Variants in SCHIP1 observed in about 807,000 individuals in gnomAD.
SCHIP1 encodes schwannomin interacting protein 1.
A neutral mutation model predicts 29.7 loss-of-function variants in SCHIP1; 8 were observed. That is an observed-to-expected ratio of 0.27 (90% CI 0.16 to 0.49). The LOEUF is 0.49. SCHIP1 is among the 20% of genes least tolerant of loss of function. The pLI, the probability that SCHIP1 is intolerant of heterozygous loss-of-function variation, is 0.99. For synonymous variants in SCHIP1, 76 were observed against 94.9 expected (o/e 0.80, Z 1.16); for missense variants, 193 against 294.6 (o/e 0.66, Z 2.52).
the SCHIP1 span, among the ~76,000 whole-genome samples, chr3:159,498,734 A>T: frequency 3.3e-5 from 5 of 152,196 alleles, no homozygotes; most frequent in African/African-American, 7.2e-5. Context: ...CCTATTTATG[A>T]TAGCAACCAC....
At chr3:159,485,847 A>T in the SCHIP1 span, among the ~76,000 whole-genome samples, 1 of 152,158 alleles carries the variant, frequency 6.6e-6, no homozygotes, top group African/African-American at 2.4e-5. Context: ...CACTATGTAG[A>T]TATTAGCTAC....
the SCHIP1 span, among the ~76,000 whole-genome samples, chr3:159,737,775 A>G: frequency 6.6e-6 from 1 of 152,080 alleles, no homozygotes; most frequent in African/African-American, 2.4e-5. Context: ...GTCAACTCCA[A>G]TTCATTGGCA....
At chr3:159,583,187 G>T in the SCHIP1 span, among the ~76,000 whole-genome samples, 1 of 152,030 alleles carries the variant, frequency 6.6e-6, no homozygotes, top group African/African-American at 2.4e-5. Flanking sequence ...CTGCTTAACT[G>T]CAATCATTTC....
the SCHIP1 span, among the ~76,000 whole-genome samples, chr3:159,283,266 C>T: frequency 6.6e-6 from 1 of 152,166 alleles, no homozygotes; most frequent in South Asian, 2.1e-4. Context: ...GATTCTCCTG[C>T]CTCAGCTTCC....
the SCHIP1 span, among the ~76,000 whole-genome samples, chr3:159,742,834 A>ATTTTTTTTTT: frequency 4.7e-3 from 518 of 110,812 alleles, no homozygotes; most frequent in African/African-American, 9.1e-3. Flanking sequence ...CGCCTAGCTA[A>ATTTTTTTTTT]TTTTTTTTTT....
chr3:159,474,202 T>C, the SCHIP1 span, among the ~76,000 whole-genome samples: 1 of 152,190 alleles, frequency 6.6e-6, no homozygotes, highest in Non-Finnish European at 1.5e-5. Context: ...AAACAACCTC[T>C]AATGCTTCAA....
chr3:159,786,813 G>C, the SCHIP1 span, among the ~76,000 whole-genome samples: 1 of 152,034 alleles, frequency 6.6e-6, no homozygotes, highest in Non-Finnish European at 1.5e-5. Flanking sequence ...GCCACAGCAC[G>C]TAGAATCCTT....
chr3:159,732,579 C>A, the SCHIP1 span, among the ~76,000 whole-genome samples: 1 of 152,206 alleles, frequency 6.6e-6, no homozygotes, highest in Non-Finnish European at 1.5e-5. Context: ...GGGAAATGTG[C>A]AGTAATGCAG....
At chr3:159,540,372 G>A in the SCHIP1 span, among the ~76,000 whole-genome samples, 1 of 152,064 alleles carries the variant, frequency 6.6e-6, no homozygotes, top group Non-Finnish European at 1.5e-5. Context: ...AAGGGCTAAT[G>A]CATTTTAAAC....
chr3:159,381,276 TGTAACCCTGATGCACAGATCACTG>T, the SCHIP1 span, among the ~76,000 whole-genome samples: 26 of 152,232 alleles, frequency 1.7e-4, no homozygotes, highest in Admixed American at 1.2e-3. Context: ...GATTCCTGTT[TGTAACCCTGATGCACAGATCACTG>T]GCTTGTATTT....
At chr3:159,569,263 A>C in the SCHIP1 span, among the ~76,000 whole-genome samples, 1 of 151,964 alleles carries the variant, frequency 6.6e-6, no homozygotes, top group African/African-American at 2.4e-5. Flanking sequence ...GGTTTGCTGC[A>C]CCCATCAATT....
the SCHIP1 span, among the ~76,000 whole-genome samples, chr3:159,520,397 G>T: frequency 1.1e-4 from 17 of 152,124 alleles, no homozygotes; most frequent in African/African-American, 3.9e-4. Flanking sequence ...GAGCAGTCTT[G>T]GGGGTACAGG....
the SCHIP1 span, among the ~76,000 whole-genome samples, chr3:159,742,945 C>G: frequency 1.3e-5 from 2 of 151,710 alleles, no homozygotes; most frequent in African/African-American, 4.8e-5. Context: ...CCTCGGCCTC[C>G]CAAAGTGCTG....
chr3:159,496,677 C>T, the SCHIP1 span, among the ~76,000 whole-genome samples: 2 of 152,136 alleles, frequency 1.3e-5, no homozygotes, highest in Non-Finnish European at 2.9e-5. Flanking sequence ...CTAATTCAAC[C>T]ATTGTGGAAG....
the SCHIP1 span, among the ~76,000 whole-genome samples, chr3:159,582,768 C>T: frequency 3.1e-4 from 42 of 136,106 alleles, no homozygotes; most frequent in Non-Finnish European, 4.6e-4. Flanking sequence ...ATATAAGACA[C>T]GCAACTGAAA....
chr3:159,832,232 G>A, the SCHIP1 span, among the ~76,000 whole-genome samples: 11 of 151,802 alleles, frequency 7.2e-5, no homozygotes, highest in Non-Finnish European at 1.3e-4. Flanking sequence ...TTCCCCTATC[G>A]CCACCACAAC....
chr3:159,818,017 T>G, the SCHIP1 span, among the ~76,000 whole-genome samples: 1 of 152,170 alleles, frequency 6.6e-6, no homozygotes, highest in Non-Finnish European at 1.5e-5. Context: ...TGCAGTAGAC[T>G]GAAGCCTAGA....
At chr3:159,492,315 G>A in the SCHIP1 span, among the ~76,000 whole-genome samples, 1 of 152,174 alleles carries the variant, frequency 6.6e-6, no homozygotes, top group African/African-American at 2.4e-5. Flanking sequence ...GCTAAAGGAG[G>A]AAGTTCGAAC....
chr3:159,447,152 G>A, the SCHIP1 span, among the ~76,000 whole-genome samples: 1 of 152,124 alleles, frequency 6.6e-6, no homozygotes, highest in Non-Finnish European at 1.5e-5. Context: ...ACACTTACTG[G>A]TATGTGACCT....
Sources: allele counts gnomAD v4.1 joint callset (sites outside exome capture counted in the v4.1 genomes callset), GRCh38; gene constraint gnomAD v4.1.1; transcripts MANE v1.5; gene names NCBI Gene and HGNC (gene_info 2026-07-23, HGNC 2026-07-21).